Variants in FYB1 observed in about 807,000 individuals in gnomAD.
FYB1 encodes the protein FYN-binding protein 1.
Under a neutral mutation model 94.1 loss-of-function variants are expected in FYB1, and 41 were observed. That is an observed-to-expected ratio of 0.44 (90% CI 0.34 to 0.57). The LOEUF is 0.57. FYB1 is among the 20% of genes least tolerant of loss of function. The pLI is 0.02. For synonymous variants in FYB1, 367 were observed against 353.2 expected, an observed-to-expected ratio of 1.04 and a Z score of -0.44; for missense variants, 1,050 against 976.8, an observed-to-expected ratio of 1.07 and a Z score of -1.00.
At chr5:39,250,527 A>G (rs1751672180) in intron 1 of FYB1, 1 of 152,214 alleles carries the variant, frequency 6.6e-6, no homozygotes, top group Admixed American at 6.5e-5. Context: ...ATCACCATCA[A>G]AGTGTCTGGA....
chr5:39,179,655 C>T (rs973206046), intron 2 of FYB1, among the ~76,000 whole-genome samples: 1 of 151,186 alleles, frequency 6.6e-6, no homozygotes, highest in Non-Finnish European at 1.5e-5. Context: ...AAGCGATTCT[C>T]CTGCCTCAGC....
Position 39,117,892 on chromosome 5 carries a change from A to AT in FYB1, c.2401+981dup, listed in dbSNP as rs573858199. On this transcript the variant is annotated intron_variant, in intron 16 of 18. Transcript: ENST00000512982. ...TCTGTCAGTTTTCTTTTATTTTCTA[A>AT]TTTTTTCTGTTTGTTTGTTTCTTGA... is the stretch of plus-strand genomic sequence containing the variant. 2.3e-3 allele frequency among the ~76,000 whole-genome samples: 344 copies of AT among 151,458 alleles called. 2 individuals carry two copies. The highest frequency in any genetic ancestry group is 8.1e-3 in the African/African-American group (333 of 41,246).
At chr5:39,253,866 G>A (rs1288469150) in intron 1 of FYB1, among the ~76,000 whole-genome samples, 1 of 152,160 alleles carries the variant, frequency 6.6e-6, no homozygotes, top group East Asian at 1.9e-4. Context: ...ATGCCCCAGT[G>A]TGTGTTGTTG....
At chr5:39,269,291 C>T (rs376934150) in intron 1 of FYB1, among the ~76,000 whole-genome samples, 2 of 151,584 alleles carry the variant, frequency 1.3e-5, no homozygotes, top group Non-Finnish European at 2.9e-5. Flanking sequence ...CCTCGTGATC[C>T]GCCTGCCTCG....
At chr5:39,257,605 G>C (rs1751993360) in intron 1 of FYB1, among the ~76,000 whole-genome samples, 1 of 152,094 alleles carries the variant, frequency 6.6e-6, no homozygotes, top group African/African-American at 2.4e-5. Flanking sequence ...CACAGAGAAG[G>C]TAAATTGTAA....
intron 1 of FYB1, among the ~76,000 whole-genome samples, chr5:39,238,140 A>G (rs1376431396): frequency 5.3e-5 from 8 of 152,098 alleles, no homozygotes; most frequent in Admixed American, 5.2e-4. Context: ...AAAAATGGTT[A>G]AGATGGTAAA....
chr5:39,201,713 T>C (rs1260356918), intron 2 of FYB1, 113 bp downstream of exon 2: 1 of 938,110 alleles, frequency 1.1e-6, no homozygotes, highest in Non-Finnish European at 1.6e-6. Context: ...ATTATACACA[T>C]ATGAGTACCA....
intron 1 of FYB1, among the ~76,000 whole-genome samples, chr5:39,242,624 G>T (rs1751265269): frequency 6.6e-6 from 1 of 152,092 alleles, no homozygotes; most frequent in Admixed American, 6.5e-5. Flanking sequence ...CTTTATAGTA[G>T]CATGATTTAT....
intron 1 of FYB1, among the ~76,000 whole-genome samples, chr5:39,206,662 T>C (rs1239179692): frequency 6.6e-6 from 1 of 152,224 alleles, no homozygotes; most frequent in Non-Finnish European, 1.5e-5. Context: ...TCTGGAATAA[T>C]GATTAGCAAT....
At chr5:39,193,100 T>G (rs951821839) in intron 2 of FYB1, among the ~76,000 whole-genome samples, 2 of 152,186 alleles carry the variant, frequency 1.3e-5, no homozygotes, top group African/African-American at 4.8e-5. Flanking sequence ...ACTGGGATCA[T>G]GTCCACAAGA....
intron 1 of FYB1, chr5:39,211,166 A>C (rs1749335882): frequency 6.6e-6 from 1 of 152,164 alleles, no homozygotes; most frequent in Non-Finnish European, 1.5e-5. Flanking sequence ...TAATTGAAAA[A>C]TGTTTTCATA....
intron 2 of FYB1, among the ~76,000 whole-genome samples, chr5:39,179,872 C>G (rs1485443488): frequency 6.6e-6 from 1 of 152,198 alleles, no homozygotes; most frequent in Non-Finnish European, 1.5e-5. Flanking sequence ...TCTTCCCTCA[C>G]TTGCCTGGTT....
intron 1 of FYB1, among the ~76,000 whole-genome samples, chr5:39,265,551 G>C (rs889881069): frequency 6.6e-6 from 1 of 151,950 alleles, no homozygotes; most frequent in African/African-American, 2.4e-5. Context: ...CAGCTACTTA[G>C]GAGGCTGAGG....
At chr5:39,117,890 T>C (rs981504435) in intron 16 of FYB1, among the ~76,000 whole-genome samples, 2 of 152,130 alleles carry the variant, frequency 1.3e-5, no homozygotes, top group African/African-American at 4.8e-5. Flanking sequence ...TTTTATTTTC[T>C]AATTTTTTCT....
At chr5:39,185,462 G>A (rs1746659891) in intron 2 of FYB1, among the ~76,000 whole-genome samples, 1 of 150,086 alleles carries the variant, frequency 6.7e-6, no homozygotes, top group South Asian at 2.1e-4. Context: ...GCTTCATGTG[G>A]CAGCAAGCTC....
At chr5:39,148,396 T>TTTTTTTTG (rs1742958221) in intron 3 of FYB1, among the ~76,000 whole-genome samples, 1 of 98,872 alleles carries the variant, frequency 1.0e-5, no homozygotes, top group African/African-American at 5.7e-5. Flanking sequence ...TTTTTTTTTT[T>TTTTTTTTG]TTTTTTTTTT....
chr5:39,113,859 A>G (rs982383885), intron 16 of FYB1, among the ~76,000 whole-genome samples: 36 of 152,092 alleles, frequency 2.4e-4, no homozygotes, highest in Non-Finnish European at 5.0e-4. Flanking sequence ...ATAATAAAAG[A>G]AAAAACAGAG....
chr5:39,141,933 C>CT (rs1333483413), intron 3 of FYB1, among the ~76,000 whole-genome samples: 1 of 151,866 alleles, frequency 6.6e-6, no homozygotes, highest in Non-Finnish European at 1.5e-5. Context: ...TCTCCAGATG[C>CT]TTTTGTCTTG....
intron 9 of FYB1, among the ~76,000 whole-genome samples, chr5:39,132,338 T>C (rs1241954590): frequency 6.6e-6 from 1 of 152,228 alleles, no homozygotes; most frequent in African/African-American, 2.4e-5. Flanking sequence ...AAGCATGTTC[T>C]GTTATGAGAT....
Sources: gnomAD v4.1 joint callset for allele counts (sites outside exome capture counted in the v4.1 genomes callset) on GRCh38, gnomAD v4.1.1 for gene constraint, MANE v1.5 for transcripts, NCBI Gene and HGNC (gene_info 2026-07-23, HGNC 2026-07-21) for gene names.